The following TEX261 variants were observed in gnomAD, a reference collection of about 807,000 sequenced individuals.
TEX261 encodes testis expressed 261.
A neutral mutation model predicts 25.1 loss-of-function variants in TEX261; 13 were observed. The ratio of observed to expected loss-of-function variants is 0.52; its 90% CI spans 0.34 to 0.82. The LOEUF (loss-of-function observed/expected upper bound fraction) is 0.82. Among genes scored for constraint, TEX261 ranks in the 40% least tolerant of loss-of-function variants. The probability of loss-of-function intolerance (pLI) is 0.02; values close to 1 mark genes in which losing one functional copy is unlikely to be tolerated. For synonymous variants in TEX261, 92 were observed against 97.8 expected, an observed-to-expected ratio of 0.94 and a Z score of 0.35; for missense variants, 206 against 243.2, an observed-to-expected ratio of 0.85 and a Z score of 1.02.
At position 70,986,550 on chromosome 2, in the gene TEX261, A is replaced by G. The variant is rs559377817; in HGVS notation, c.*2050T>C. 13 of 152,742 alleles carry G rather than the reference A, an allele frequency of 8.5e-5. No individual in the cohort carries two copies. Among genetic ancestry groups the G allele is most frequent in the African/African-American group, 3.1e-4 (13 of 41,544 alleles). The allele number at this position is 152,742 out of a possible 1,614,324, so 9.5% of individuals were successfully genotyped here. ...CTCAAATCAAGAGATGTTAAGGTAG[A>G]CCTGACCGTTTTGAGAGATTGGATG... On this transcript the variant is annotated 3_prime_UTR_variant, in exon 6 of 6. Transcript: ENST00000272438.
At position 70,985,950 on chromosome 2, in the gene TEX261, A is replaced by G. The variant is rs1048094332; in HGVS notation, c.*2650T>C. The G allele has an allele frequency of 2.6e-5, 4 of 152,362 alleles. No individual in the cohort carries two copies. The highest frequency in any genetic ancestry group is 7.2e-5 in the African/African-American group (3 of 41,464). The allele number at this position is 152,362 out of a possible 1,614,324, so 9.4% of individuals were successfully genotyped here. A position where few individuals can be genotyped will look rare whatever the true frequency, so the allele number is the denominator to read the frequency against. ...CACATCACTACAATTCATTCATTAA[A>G]CAAACATTTATTGAGTGCTTTCTAG... On this transcript the variant is annotated 3_prime_UTR_variant, in exon 6 of 6. Coordinates refer to ENST00000272438, the MANE Select transcript of TEX261 (RefSeq NM_144582.3).
chr2:70,991,376 T>C (rs1286950852), intron 3 of TEX261, among the ~76,000 whole-genome samples: 2 of 152,172 alleles, frequency 1.3e-5, no homozygotes, highest in Non-Finnish European at 2.9e-5. Context: ...CCAGGAGGCA[T>C]TCACACCAGG....
chr2:70,991,707 T>G lies in TEX261; in HGVS notation c.304+123A>C, dbSNP rs577543803. ...GCAGTAAGAACCGCATCTTCCCAACTAGCCTGGCTTCCTGGAGGACTTCAA... is the reference window on the plus strand; with the variant it reads ...GCAGTAAGAACCGCATCTTCCCAACGAGCCTGGCTTCCTGGAGGACTTCAA... On this transcript the variant is annotated intron_variant, in intron 3 of 5. Coordinates refer to ENST00000272438, the MANE Select transcript of TEX261 (RefSeq NM_144582.3). The G allele has an allele frequency of 4.1e-6, 5 of 1,212,138 alleles. No homozygotes were observed. In the East Asian group the frequency reaches 1.3e-4, roughly 32 times the overall value. The allele number at this position is 1,212,138 out of a possible 1,614,324, so 75.1% of individuals were successfully genotyped here.
intron 2 of TEX261, among the ~76,000 whole-genome samples, chr2:70,992,967 T>C (rs1670332099): frequency 1.3e-5 from 2 of 152,224 alleles, no homozygotes; most frequent in South Asian, 4.1e-4. Context: ...GAAGGGCTAA[T>C]TACTGTGCCA....
intron 2 of TEX261, 98 bp from the exon 3 acceptor site, chr2:70,992,081 G>T: frequency 1.7e-6 from 2 of 1,199,480 alleles, no homozygotes; most frequent in Non-Finnish European, 2.2e-6. Flanking sequence ...CTAGGTTCAT[G>T]CTTCAATCTC....
chr2:70,990,252 G>T (rs1670277794), intron 3 of TEX261, among the ~76,000 whole-genome samples: 1 of 151,046 alleles, frequency 6.6e-6, no homozygotes, highest in Non-Finnish European at 1.5e-5. Context: ...TAAACAAACT[G>T]GGCAGCAAGG....
chr2:70,990,231 G>C (rs111990193), intron 3 of TEX261, among the ~76,000 whole-genome samples: 10 of 151,156 alleles, frequency 6.6e-5, no homozygotes, highest in African/African-American at 2.2e-4. Context: ...CAAGGAGAAG[G>C]CCTGCTCAAA....
intron 5 of TEX261, 42 bp from the exon 6 acceptor site, chr2:70,988,757 T>A (rs782069321): frequency 3.4e-6 from 5 of 1,476,824 alleles, no homozygotes; most frequent in Admixed American, 1.7e-5. Flanking sequence ...AGAGAGAGTG[T>A]GTGTGTGTGT....
In TEX261 at chr2:70,986,171, G is replaced by C. The variant is rs1214577935; in HGVS notation, c.*2429C>G. ...CCTTGGAGGAAGTCAAGTCTAAGTT[G>C]AGATTTGACAGAGAAAGTACCCTTT... On this transcript the variant is annotated 3_prime_UTR_variant, in exon 6 of 6. Coordinates refer to ENST00000272438, the MANE Select transcript of TEX261 (RefSeq NM_144582.3). 1.3e-5 allele frequency: 2 copies of C among 152,550 alleles called. No individual in the cohort carries two copies. The highest frequency in any genetic ancestry group is 2.9e-5 in the Non-Finnish European group (2 of 68,062). 9.4% of individuals were successfully genotyped at this position (152,550 alleles called of 1,614,324 possible).
Position 70,987,534 on chromosome 2 carries a change from G to A in TEX261, c.*1066C>T, listed in dbSNP as rs1670214756. 6.6e-6 allele frequency: 1 copy of A among 152,622 alleles called. No individual in the cohort carries two copies. The highest frequency in any genetic ancestry group is 1.5e-5 in the Non-Finnish European group (1 of 68,044). 9.5% of individuals were successfully genotyped at this position (152,622 alleles called of 1,614,324 possible). A position where few individuals can be genotyped will look rare whatever the true frequency, so the allele number is the denominator to read the frequency against. On this transcript the variant is annotated 3_prime_UTR_variant, in exon 6 of 6. Transcript: ENST00000272438. ...ACTTGCAAGGCACTATAGTTGGAGTGCAAGGTCAACAAATGCAGGTCTGTG... is the reference window on the plus strand; with the variant it reads ...ACTTGCAAGGCACTATAGTTGGAGTACAAGGTCAACAAATGCAGGTCTGTG...
In TEX261 at chr2:70,987,661, C is replaced by T. The variant is rs13408452; in HGVS notation, c.*939G>A. 1.3e-5 allele frequency: 2 copies of T among 152,484 alleles called. No homozygotes were observed. The highest frequency in any genetic ancestry group is 4.8e-5 in the African/African-American group (2 of 41,440). The allele number at this position is 152,484 out of a possible 1,614,324, so 9.4% of individuals were successfully genotyped here. Reference sequence around the variant, plus strand: ...TGGATGCTCTTAGAGTGACAAACAGCTTCTCCCATTAGTCCCATTTCTTTA... The same window carrying T: ...TGGATGCTCTTAGAGTGACAAACAGTTTCTCCCATTAGTCCCATTTCTTTA... On this transcript the variant is annotated 3_prime_UTR_variant, in exon 6 of 6. Coordinates refer to ENST00000272438, the MANE Select transcript of TEX261 (RefSeq NM_144582.3).
At position 70,991,920 on chromosome 2, in the gene TEX261, C is replaced by T. The variant is rs782028225; in HGVS notation, c.214G>A (p.Val72Met). Residue 72 changes from valine (V) to methionine (M), a missense_variant, in exon 3 of 6, where the codon GTG becomes ATG. By Grantham distance (21) the Val-to-Met change is conservative. Transcript: ENST00000272438. The part of the protein sequence containing the change: ...FERFPTSMIG[V>M]GLFTNLVYFG... ...TAGACGAGGTTGGTGAATAGGCCCACTCCAATCATGCTGGTGGGGAAGCGC... is the reference window on the plus strand; with the variant it reads ...TAGACGAGGTTGGTGAATAGGCCCATTCCAATCATGCTGGTGGGGAAGCGC... The T allele has an allele frequency of 7.4e-6, 12 of 1,613,730 alleles. No homozygotes were observed. Among genetic ancestry groups the T allele is most frequent in the Non-Finnish European group, 1.0e-5 (12 of 1,179,890 alleles).
chr2:70,993,790 G>A lies in TEX261; in HGVS notation c.71-15C>T. 4 of 1,607,506 alleles carry A rather than the reference G, an allele frequency of 2.5e-6. No individual in the cohort carries two copies. The highest frequency in any genetic ancestry group is 3.4e-6 in the Non-Finnish European group (4 of 1,175,748). On this transcript the variant is annotated splice_polypyrimidine_tract_variant and intron_variant, in intron 1 of 5. Transcript: ENST00000272438. ...GAGTCCAGCCGCTGCAGGGTGGGAGGCAGGGAGACTATCAGCCAGGGTCAC... is the reference window on the plus strand; with the variant it reads ...GAGTCCAGCCGCTGCAGGGTGGGAGACAGGGAGACTATCAGCCAGGGTCAC...
At chr2:70,990,660 T>C (rs1670284753) in intron 3 of TEX261, among the ~76,000 whole-genome samples, 1 of 152,162 alleles carries the variant, frequency 6.6e-6, no homozygotes, top group Non-Finnish European at 1.5e-5. Flanking sequence ...GCCTCTCCCA[T>C]TCTAAGGCAA....
At chr2:70,991,328 G>C (rs1670294780) in intron 3 of TEX261, among the ~76,000 whole-genome samples, 1 of 152,210 alleles carries the variant, frequency 6.6e-6, no homozygotes, top group African/African-American at 2.4e-5. Flanking sequence ...GCCCGAGGCA[G>C]CGGCAGCCAG....
intron 4 of TEX261, chr2:70,989,436 C>T (rs1274346514): frequency 4.7e-6 from 2 of 423,774 alleles, no homozygotes; most frequent in African/African-American, 4.0e-5. Context: ...GGGGTGCAGT[C>T]CATCCCTGCC....
chr2:70,988,769 T>C (rs529377697), intron 5 of TEX261, 54 bp from the exon 6 acceptor site: 790 of 1,501,202 alleles, frequency 5.3e-4, no homozygotes, highest in East Asian at 1.0e-3. Context: ...TGTGTGTGTG[T>C]GCGCATGTGT....
intron 4 of TEX261, 185 bp from the exon 5 acceptor site, chr2:70,989,202 C>G (rs1189376117): frequency 1.6e-6 from 1 of 620,228 alleles, no homozygotes; most frequent in African/African-American, 1.8e-5. Context: ...AAGGTGGAGG[C>G]TGAAAATGAC....
rs558138316 is a variant in TEX261, at chr2:70,987,840, C to T, written c.*760G>A. 8 of 152,426 alleles carry T rather than the reference C, an allele frequency of 5.2e-5. No individual in the cohort carries two copies. The highest frequency in any genetic ancestry group is 1.9e-4 in the African/African-American group (8 of 41,578). 9.4% of individuals were successfully genotyped at this position (152,426 alleles called of 1,614,324 possible). A position where few individuals can be genotyped will look rare whatever the true frequency, so the allele number is the denominator to read the frequency against. On this transcript the variant is annotated 3_prime_UTR_variant, in exon 6 of 6. Coordinates refer to ENST00000272438, the MANE Select transcript of TEX261 (RefSeq NM_144582.3). ...ATCTAGCCCAGTCCTAAATTGTCCC[C>T]TCTCCTACTCCCAGTTTGACAGTCA...
Sources: allele counts gnomAD v4.1 joint callset (sites outside exome capture counted in the v4.1 genomes callset), GRCh38; gene constraint gnomAD v4.1.1; transcripts MANE v1.5; gene names NCBI Gene and HGNC (gene_info 2026-07-23, HGNC 2026-07-21).